Variants in NR6A1 observed in about 807,000 individuals in gnomAD.
NR6A1 encodes nuclear receptor subfamily 6 group A member 1, also known as retinoic acid receptor-related testis-associated receptor.
In NR6A1, 7 loss-of-function variants were observed where a neutral mutation model predicts 59.1. The observed-to-expected ratio is 0.12, with a 90% CI of 0.07 to 0.22. The LOEUF (loss-of-function observed/expected upper bound fraction) is 0.22. Among genes scored for constraint, NR6A1 ranks in the 10% least tolerant of loss-of-function variants. The pLI, the probability that NR6A1 is intolerant of heterozygous loss-of-function variation, is 1.00. For missense variants in NR6A1, 468 were observed against 611.6 expected, an observed-to-expected ratio of 0.77 and a Z score of 2.48; for synonymous variants, 243 against 236.1, an observed-to-expected ratio of 1.03 and a Z score of -0.27.
At chr9:124,543,714 G>T in intron 4 of NR6A1, 88 bp downstream of exon 4, 1 of 978,994 alleles carries the variant, frequency 1.0e-6, no homozygotes, top group African/African-American at 1.7e-5. Flanking sequence ...CTCAGCAGCA[G>T]ATGAAAGAGT....
intron 2 of NR6A1, among the ~76,000 whole-genome samples, chr9:124,710,947 G>T (rs1294424578): frequency 6.6e-6 from 1 of 151,952 alleles, no homozygotes; most frequent in Non-Finnish European, 1.5e-5. Context: ...GATTCATGTG[G>T]TGTATAATGA....
intron 1 of NR6A1, among the ~76,000 whole-genome samples, chr9:124,756,860 T>C (rs544732867): frequency 6.6e-6 from 1 of 152,238 alleles, no homozygotes; most frequent in East Asian, 1.9e-4. Context: ...CTAGGGTGTC[T>C]CTGCCACCCA....
intron 2 of NR6A1, among the ~76,000 whole-genome samples, chr9:124,555,788 A>G (rs1299090414): frequency 6.6e-6 from 1 of 152,232 alleles, no homozygotes; most frequent in Admixed American, 6.5e-5. Context: ...GGTGATTATA[A>G]TAATACCTAT....
intron 2 of NR6A1, among the ~76,000 whole-genome samples, chr9:124,715,710 GA>G (rs554004838): frequency 6.7e-6 from 1 of 149,934 alleles, no homozygotes; most frequent in East Asian, 1.9e-4. Flanking sequence ...GAAGTGGGGA[GA>G]AAAAAAAACA....
chr9:124,563,343 A>G (rs570189871), intron 2 of NR6A1, among the ~76,000 whole-genome samples: 2 of 152,344 alleles, frequency 1.3e-5, no homozygotes, highest in South Asian at 2.1e-4. Context: ...GCAGTGGAGT[A>G]CTGGATCACA....
intron 3 of NR6A1, among the ~76,000 whole-genome samples, chr9:124,546,664 T>C (rs188050010): frequency 6.6e-6 from 1 of 152,348 alleles, no homozygotes; most frequent in Admixed American, 6.5e-5. Context: ...TTAAAAGTTA[T>C]TGAAAGACTA....
chr9:124,561,402 C>T (rs912288977), intron 2 of NR6A1, among the ~76,000 whole-genome samples: 3 of 152,160 alleles, frequency 2.0e-5, no homozygotes, highest in African/African-American at 7.2e-5. Flanking sequence ...CATGCCACTG[C>T]ACTCCAGCCT....
Position 124,741,861 on chromosome 9 carries a change from A to G in NR6A1, c.101-8512T>C, listed in dbSNP as rs567158934. ...ATCTGTCGATTATGAGTACTCAATG[A>G]TATGATGCACTGAGGTCAGTGAAAG... On this transcript the variant is annotated intron_variant, in intron 1 of 9. Coordinates refer to ENST00000487099, the MANE Select transcript of NR6A1 (RefSeq NM_033334.4). Among the ~76,000 whole-genome samples, 7 of 152,292 alleles carry G rather than the reference A, an allele frequency of 4.6e-5. No individual in the cohort carries two copies. The South Asian group carries it at 8.3e-4, about 18-fold the overall frequency.
intron 2 of NR6A1, among the ~76,000 whole-genome samples, chr9:124,636,269 GT>G (rs1188642191): frequency 6.6e-6 from 1 of 151,796 alleles, no homozygotes; most frequent in Non-Finnish European, 1.5e-5. Flanking sequence ...CATCAGGTAT[GT>G]TTTATTGAGT....
chr9:124,641,051 A>G (rs935564802), intron 2 of NR6A1, among the ~76,000 whole-genome samples: 2 of 152,202 alleles, frequency 1.3e-5, no homozygotes, highest in Non-Finnish European at 2.9e-5. Flanking sequence ...TTTTATAGAT[A>G]ATAAATAAAA....
intron 2 of NR6A1, among the ~76,000 whole-genome samples, chr9:124,723,384 G>A (rs1337364442): frequency 1.3e-5 from 2 of 152,194 alleles, no homozygotes; most frequent in Non-Finnish European, 2.9e-5. Context: ...GGCTGGGGAA[G>A]AGGACCAAAA....
At chr9:124,564,758 C>A (rs1170277016) in intron 2 of NR6A1, among the ~76,000 whole-genome samples, 1 of 151,322 alleles carries the variant, frequency 6.6e-6, no homozygotes, top group Non-Finnish European at 1.5e-5. Flanking sequence ...TGCAAAAGAA[C>A]AAAACTAGTA....
chr9:124,658,339 G>C (rs149996323), intron 2 of NR6A1: 3 of 152,232 alleles, frequency 2.0e-5, no homozygotes, highest in Non-Finnish European at 2.9e-5. Context: ...GCACTGCCAG[G>C]GACCAGCAAA....
At chr9:124,671,337 A>G (rs1440516907) in intron 2 of NR6A1, among the ~76,000 whole-genome samples, 1 of 152,174 alleles carries the variant, frequency 6.6e-6, no homozygotes, top group Non-Finnish European at 1.5e-5. Context: ...TCAACCTCTG[A>G]AAAACATCTA....
chr9:124,666,090 T>C (rs1231768193), intron 2 of NR6A1, among the ~76,000 whole-genome samples: 1 of 152,176 alleles, frequency 6.6e-6, no homozygotes, highest in African/African-American at 2.4e-5. Flanking sequence ...TTTTTCTCAC[T>C]AGTAGACTCA....
intron 2 of NR6A1, among the ~76,000 whole-genome samples, chr9:124,721,606 G>A (rs1284465041): frequency 6.6e-6 from 1 of 152,114 alleles, no homozygotes; most frequent in African/African-American, 2.4e-5. Context: ...GAAAAATAGT[G>A]GAATAATCCT....
intron 2 of NR6A1, among the ~76,000 whole-genome samples, chr9:124,664,264 A>AT (rs1461022659): frequency 6.6e-6 from 1 of 152,206 alleles, no homozygotes; most frequent in East Asian, 1.9e-4. Flanking sequence ...AAGGCAGTAG[A>AT]TTCTCTAAAG....
intron 1 of NR6A1, among the ~76,000 whole-genome samples, chr9:124,767,577 T>C (rs747122927): frequency 1.3e-5 from 2 of 151,284 alleles, no homozygotes; most frequent in Non-Finnish European, 2.9e-5. Flanking sequence ...TACTACAGCA[T>C]GTTTTTGGTT....
intron 2 of NR6A1, chr9:124,599,022 T>TC: frequency 1.3e-6 from 1 of 742,654 alleles, no homozygotes; most frequent in East Asian, 2.5e-5. Context: ...GTCTTGTCCC[T>TC]CCTCATGAGG....
Sources: allele counts gnomAD v4.1 joint callset (sites outside exome capture counted in the v4.1 genomes callset), GRCh38; gene constraint gnomAD v4.1.1; transcripts MANE v1.5; gene names NCBI Gene and HGNC (gene_info 2026-07-23, HGNC 2026-07-21).